IL1RAPL2: variants seen among roughly 807,000 people sequenced by gnomAD.
IL1RAPL2 encodes interleukin 1 receptor accessory protein like 2.
Under a neutral mutation model 44.1 loss-of-function variants are expected in IL1RAPL2, and 3 were observed. The ratio of observed to expected loss-of-function variants is 0.07; its 90% CI spans 0.03 to 0.18. The LOEUF is 0.18. Ranked by LOEUF, IL1RAPL2 falls within the 10% of genes least tolerant of loss-of-function variation. The pLI is 1.00. For synonymous variants in IL1RAPL2, 181 were observed against 178.8 expected, an observed-to-expected ratio of 1.01 and a Z score of -0.10; for missense variants, 391 against 496.4, an observed-to-expected ratio of 0.79 and a Z score of 2.02.
intron 10 of IL1RAPL2, among the ~76,000 whole-genome samples, chrX:105,763,422 A>G (rs1053495970): frequency 2.7e-5 from 3 of 110,953 alleles, no homozygotes; most frequent in Non-Finnish European, 5.7e-5. Flanking sequence ...AACTCTACCT[A>G]TTTGATTTCT....
At chrX:104,741,100 G>A (rs1353852115) in intron 2 of IL1RAPL2, among the ~76,000 whole-genome samples, 1 of 111,471 alleles carries the variant, frequency 9.0e-6, no homozygotes, top group African/African-American at 3.2e-5. Flanking sequence ...GAGAGCCATT[G>A]TAATAAGATT....
chrX:104,886,577 T>C (rs1923250940), intron 2 of IL1RAPL2, among the ~76,000 whole-genome samples: 1 of 112,410 alleles, frequency 8.9e-6, no homozygotes. Flanking sequence ...TGCAAGATCT[T>C]AGACTCATCA....
chrX:104,653,164 C>A (rs187221446), intron 1 of IL1RAPL2, among the ~76,000 whole-genome samples: 4 of 111,652 alleles, frequency 3.6e-5, no homozygotes, highest in Non-Finnish European at 5.7e-5. Context: ...AAATCCCTTG[C>A]AAGATTATTA....
chrX:104,771,090 C>T (rs922061166), intron 2 of IL1RAPL2, among the ~76,000 whole-genome samples: 2 of 112,414 alleles, frequency 1.8e-5, no homozygotes, highest in Non-Finnish European at 3.8e-5. Flanking sequence ...ACAATATCCC[C>T]ATGATCCCTG....
At chrX:104,586,644 A>G (rs1408682572) in intron 1 of IL1RAPL2, among the ~76,000 whole-genome samples, 1 of 111,825 alleles carries the variant, frequency 8.9e-6, no homozygotes, top group African/African-American at 3.3e-5. Flanking sequence ...TTTACTGAAC[A>G]CCCACAAGAA....
chrX:105,103,302 G>A (rs1400846525), intron 2 of IL1RAPL2, among the ~76,000 whole-genome samples: 1 of 111,437 alleles, frequency 9.0e-6, no homozygotes, highest in Non-Finnish European at 1.9e-5. Flanking sequence ...ACTCTACTTA[G>A]TCTCACATAC....
chrX:105,279,604 C>T (rs773153009), intron 5 of IL1RAPL2, among the ~76,000 whole-genome samples: 19 of 111,276 alleles, frequency 1.7e-4, no homozygotes, highest in African/African-American at 6.2e-4. Flanking sequence ...CTCAGCCTCC[C>T]GAGTAGCTGG....
intron 2 of IL1RAPL2, among the ~76,000 whole-genome samples, chrX:104,916,430 A>AC (rs1392850795): frequency 9.0e-5 from 10 of 111,558 alleles, no homozygotes; most frequent in Non-Finnish European, 1.1e-4. Flanking sequence ...GTATCCTGAG[A>AC]TTTGCTGAAG....
chrX:104,644,856 C>A lies in IL1RAPL2; in HGVS notation c.-19-14039C>A, dbSNP rs1189651193. On this transcript the variant is annotated intron_variant, in intron 1 of 10. Transcript: ENST00000372582. ...CTCCACTCAGTGTTCTACTTCCTTA[C>A]CTTCAGTTTACTCTTCAATCTATAC... 6.3e-5 allele frequency among the ~76,000 whole-genome samples: 7 copies of A among 111,539 alleles called. No individual in the cohort carries two copies. The Admixed American group carries it at 6.7e-4, about 11-fold the overall frequency.
At chrX:104,985,936 G>T (rs2030553195) in intron 2 of IL1RAPL2, among the ~76,000 whole-genome samples, 1 of 111,751 alleles carries the variant, frequency 8.9e-6, no homozygotes, top group African/African-American at 3.3e-5. Context: ...AAAGCTTATA[G>T]TAGACCCCCA....
chrX:105,199,780 G>A (rs1476802511), intron 3 of IL1RAPL2, among the ~76,000 whole-genome samples: 1 of 112,085 alleles, frequency 8.9e-6, no homozygotes, highest in Non-Finnish European at 1.9e-5. Context: ...CAAGCCTTAG[G>A]GAGCTATTGG....
At chrX:105,001,684 G>C (rs1255721003) in intron 2 of IL1RAPL2, among the ~76,000 whole-genome samples, 1 of 111,495 alleles carries the variant, frequency 9.0e-6, no homozygotes, top group Non-Finnish European at 1.9e-5. Flanking sequence ...GGCATTAGGA[G>C]AGTGTTGATT....
intron 1 of IL1RAPL2, chrX:104,647,406 C>T (rs1417545922): frequency 6.9e-6 from 4 of 576,725 alleles, no homozygotes; most frequent in Non-Finnish European, 1.2e-5. Context: ...TTTTCCACCA[C>T]AAATCTGGCC....
chrX:105,437,636 A>G (rs752252559), intron 5 of IL1RAPL2, among the ~76,000 whole-genome samples: 1 of 111,517 alleles, frequency 9.0e-6, no homozygotes, highest in South Asian at 3.7e-4. Flanking sequence ...TAACTAAAAC[A>G]TGGCATTATT....
chrX:105,486,266 G>A (rs2036265633), intron 6 of IL1RAPL2, among the ~76,000 whole-genome samples: 1 of 111,978 alleles, frequency 8.9e-6, no homozygotes, highest in African/African-American at 3.2e-5. Flanking sequence ...GAAAATAAGA[G>A]ACAGAAAATT....
chrX:105,383,882 T>C (rs2035456151), intron 5 of IL1RAPL2, among the ~76,000 whole-genome samples: 1 of 112,022 alleles, frequency 8.9e-6, no homozygotes, highest in Non-Finnish European at 1.9e-5. Flanking sequence ...TTTTTTCATA[T>C]ACCCACTGGC....
intron 2 of IL1RAPL2, among the ~76,000 whole-genome samples, chrX:104,867,079 CA>C (rs1285554592): frequency 9.3e-6 from 1 of 107,368 alleles, no homozygotes; most frequent in African/African-American, 3.4e-5. Flanking sequence ...ACTAAAAATA[CA>C]AAAAAAATTA....
At chrX:105,375,146 C>T (rs2035377599) in intron 5 of IL1RAPL2, among the ~76,000 whole-genome samples, 1 of 109,843 alleles carries the variant, frequency 9.1e-6, no homozygotes, top group Non-Finnish European at 1.9e-5. Context: ...ATTGCTCTGC[C>T]CTATAAAAGT....
intron 4 of IL1RAPL2, among the ~76,000 whole-genome samples, chrX:105,259,295 A>G (rs1048289741): frequency 4.5e-5 from 5 of 111,497 alleles, no homozygotes; most frequent in South Asian, 7.6e-4. Flanking sequence ...TGGCTTTCCT[A>G]TGTTTCCTCA....
Sources: gnomAD v4.1 joint callset for allele counts (sites outside exome capture counted in the v4.1 genomes callset) on GRCh38, gnomAD v4.1.1 for gene constraint, MANE v1.5 for transcripts, NCBI Gene and HGNC (gene_info 2026-07-23, HGNC 2026-07-21) for gene names.